Variants in RRP12 observed in about 807,000 individuals in gnomAD.
RRP12 encodes RRP12-like protein.
A neutral mutation model predicts 157.3 loss-of-function variants in RRP12; 78 were observed. The ratio of observed to expected loss-of-function variants is 0.50; its 90% CI spans 0.41 to 0.60. RRP12 has a LOEUF of 0.60. Among genes scored for constraint, RRP12 ranks in the 20% least tolerant of loss-of-function variants. The pLI is 0.00. For synonymous variants in RRP12, 726 were observed against 670.9 expected, an observed-to-expected ratio of 1.08 and a Z score of -1.27; for missense variants, 1,521 against 1,679.9, an observed-to-expected ratio of 0.91 and a Z score of 1.65.
At chr10:97,369,613 C>T in intron 24 of RRP12, 31 bp from the exon 25 acceptor site, 1 of 1,545,298 alleles carries the variant, frequency 6.5e-7, no homozygotes, top group South Asian at 1.2e-5. Flanking sequence ...CTGTCTAAGA[C>T]ACCCAGGACC....
At chr10:97,396,666 T>C (rs913653877) in intron 2 of RRP12, among the ~76,000 whole-genome samples, 2 of 152,304 alleles carry the variant, frequency 1.3e-5, no homozygotes, top group East Asian at 1.9e-4. Flanking sequence ...GAGGGGGGGA[T>C]TGGTTCCAGG....
At chr10:97,371,183 G>A (rs1285605405) in intron 20 of RRP12, 102 bp from the exon 21 acceptor site, 75 of 1,260,696 alleles carry the variant, frequency 5.9e-5, no homozygotes, top group Admixed American at 1.4e-4. Flanking sequence ...GCAGGGGTCC[G>A]TGGGGGCTCA....
chr10:97,379,491 G>A, intron 14 of RRP12, 77 bp from the exon 15 acceptor site: 1 of 1,598,538 alleles, frequency 6.3e-7, no homozygotes, highest in Non-Finnish European at 8.5e-7. Flanking sequence ...CTGAGCCCAG[G>A]ACAGAGTAAG....
intron 17 of RRP12, among the ~76,000 whole-genome samples, 184 bp downstream of exon 17, chr10:97,373,391 C>T (rs924976453): frequency 6.6e-6 from 1 of 152,152 alleles, no homozygotes; most frequent in Non-Finnish European, 1.5e-5. Context: ...CCATGGTCCT[C>T]GATGGCTCCA....
intron 25 of RRP12, among the ~76,000 whole-genome samples, chr10:97,367,663 G>A (rs1208792246): frequency 6.6e-6 from 1 of 152,136 alleles, no homozygotes; most frequent in African/African-American, 2.4e-5. Flanking sequence ...GCCCAGTTTG[G>A]GTTACATGTG....
In RRP12 at chr10:97,381,487, C is replaced by T. The variant is rs543816656; in HGVS notation, c.1321-4G>A. The T allele has an allele frequency of 2.0e-5, 32 of 1,604,350 alleles. No homozygotes were observed. Among genetic ancestry groups the T allele is most frequent in the African/African-American group, 4.0e-5 (3 of 74,714 alleles). The stretch of plus-strand genomic sequence containing the variant: ...CCACGCATTCCTTCAGGATCTCCTG[C>T]GAAGAGAGGCCACAGGCTTTCTGGG... On this transcript the variant is annotated splice_region_variant and splice_polypyrimidine_tract_variant and intron_variant, in intron 11 of 33. Coordinates refer to ENST00000370992, the MANE Select transcript of RRP12 (RefSeq NM_015179.4).
intron 2 of RRP12, among the ~76,000 whole-genome samples, chr10:97,397,019 C>G (rs1844983184): frequency 6.6e-6 from 1 of 152,166 alleles, no homozygotes; most frequent in African/African-American, 2.4e-5. Context: ...CCCTCCTTAG[C>G]CTCCCAAAGT....
intron 7 of RRP12, 40 bp downstream of exon 7, chr10:97,388,449 A>T: frequency 6.2e-7 from 1 of 1,612,858 alleles, no homozygotes; most frequent in Non-Finnish European, 8.5e-7. Flanking sequence ...TCTGCCAGCC[A>T]CTGCCTCCCA....
At chr10:97,397,980 T>TAA (rs1171954717) in intron 2 of RRP12, among the ~76,000 whole-genome samples, 1 of 118,650 alleles carries the variant, frequency 8.4e-6, no homozygotes, top group Non-Finnish European at 1.7e-5. Flanking sequence ...CAAAATTGGG[T>TAA]AAAAAAAAAT....
chr10:97,357,852 C>G (rs1370447193), intron 33 of RRP12, among the ~76,000 whole-genome samples: 1 of 150,948 alleles, frequency 6.6e-6, no homozygotes, highest in Non-Finnish European at 1.5e-5. Context: ...CCAGCTACTC[C>G]GGAGGCTGAG....
chr10:97,367,428 A>G, intron 25 of RRP12: 1 of 446,802 alleles, frequency 2.2e-6, no homozygotes, highest in Non-Finnish European at 4.1e-6. Flanking sequence ...TCCTTGGACT[A>G]CCCCTGAGAT....
rs1225826351 is a variant in RRP12, at chr10:97,370,443, C to T, written c.2689+12G>A. 1.1e-5 allele frequency: 18 copies of T among 1,582,764 alleles called. No homozygotes were observed. Among genetic ancestry groups the T allele is most frequent in the Non-Finnish European group, 1.5e-5 (17 of 1,162,960 alleles). The stretch of plus-strand genomic sequence containing the variant: ...TGAGCAGAGTGTCCACCCCCAGCCC[C>T]CTGGGCCTCACCTTCCTGGTTCGAG... On this transcript the variant is annotated intron_variant, in intron 23 of 33. Coordinates refer to ENST00000370992, the MANE Select transcript of RRP12 (RefSeq NM_015179.4).
At chr10:97,369,076 G>C (rs1458818192) in intron 25 of RRP12, among the ~76,000 whole-genome samples, 1 of 152,162 alleles carries the variant, frequency 6.6e-6, no homozygotes, top group Non-Finnish European at 1.5e-5. Flanking sequence ...GCAAGATGAG[G>C]GGGTCCTGTG....
At chr10:97,376,236 A>C (rs1219026121) in intron 15 of RRP12, among the ~76,000 whole-genome samples, 1 of 75,666 alleles carries the variant, frequency 1.3e-5, no homozygotes, top group Non-Finnish European at 2.6e-5. Context: ...TTTTTTTGAG[A>C]TGAAGTCTCG....
intron 6 of RRP12, 142 bp from the exon 7 acceptor site, chr10:97,388,766 C>T (rs1455550122): frequency 2.0e-6 from 2 of 1,005,276 alleles, no homozygotes; most frequent in African/African-American, 3.2e-5. Flanking sequence ...CAGTGCTACA[C>T]CAGGGCCTTC....
intron 3 of RRP12, among the ~76,000 whole-genome samples, chr10:97,394,589 T>A (rs1019846376): frequency 1.3e-5 from 2 of 152,088 alleles, no homozygotes; most frequent in African/African-American, 4.8e-5. Context: ...AGGGTCCCAC[T>A]ATATTGCACA....
In RRP12 at chr10:97,373,887, G is replaced by A; in HGVS notation, c.1806C>T (p.Asp602=). The change falls in exon 16 of 34, where the codon GAC becomes GAT. Residue 602 remains aspartate, a synonymous_variant. Coordinates refer to ENST00000370992, the MANE Select transcript of RRP12 (RefSeq NM_015179.4). The part of the protein sequence containing the change: ...LANTLKSKAM[D]LAQAGSTVES... ...CCACTGTGCTGCCTGCCTGAGCCAG[G>A]TCCATGGCTGCAGTGTGACAGAGGG... 6.2e-7 allele frequency: 1 copy of A among 1,613,172 alleles called. No homozygotes were observed. The highest frequency in any genetic ancestry group is 8.5e-7 in the Non-Finnish European group (1 of 1,179,856).
intron 10 of RRP12, among the ~76,000 whole-genome samples, chr10:97,383,036 A>G (rs1314941809): frequency 3.3e-5 from 5 of 152,206 alleles, no homozygotes; most frequent in Non-Finnish European, 2.9e-5. Flanking sequence ...TGCTGGGATT[A>G]TAAGCGTGAG....
At chr10:97,394,610 G>A (rs1394947006) in intron 3 of RRP12, among the ~76,000 whole-genome samples, 5 of 152,098 alleles carry the variant, frequency 3.3e-5, no homozygotes, top group African/African-American at 1.2e-4. Flanking sequence ...GGCTGGTGTC[G>A]AACTCCTAGC....
Sources: gnomAD v4.1 joint callset for allele counts (sites outside exome capture counted in the v4.1 genomes callset) on GRCh38, gnomAD v4.1.1 for gene constraint, MANE v1.5 for transcripts, NCBI Gene and HGNC (gene_info 2026-07-23, HGNC 2026-07-21) for gene names.